Variants in CADM2 observed in about 807,000 individuals in gnomAD.
The protein encoded by CADM2 is immunoglobulin superfamily member 4D.
In CADM2, 12 loss-of-function variants were observed where a neutral mutation model predicts 49.8. The observed-to-expected ratio is 0.24, with a 90% confidence interval of 0.15 to 0.39. CADM2 has a LOEUF of 0.39. Ranked by LOEUF, CADM2 falls within the 10% of genes least tolerant of loss-of-function variation. The pLI is 1.00. For synonymous variants in CADM2, 214 were observed against 175.4 expected (o/e 1.22, Z -1.74); for missense variants, 378 against 492.3 (o/e 0.77, Z 2.20).
chr3:85,651,367 C>A (rs541051764), intron 1 of CADM2, among the ~76,000 whole-genome samples: 1 of 152,062 alleles, frequency 6.6e-6, no homozygotes, highest in African/African-American at 2.4e-5. Flanking sequence ...TTTGTGTATT[C>A]GTACTCCACC....
intron 2 of CADM2, among the ~76,000 whole-genome samples, chr3:85,762,044 G>A (rs1243243132): frequency 6.6e-6 from 1 of 152,052 alleles, no homozygotes; most frequent in Non-Finnish European, 1.5e-5. Context: ...AATGAAAGGA[G>A]GAAGAATAAT....
chr3:85,995,374 A>G (rs575457012), intron 8 of CADM2, among the ~76,000 whole-genome samples: 1 of 152,200 alleles, frequency 6.6e-6, no homozygotes, highest in Non-Finnish European at 1.5e-5. Context: ...ATGATTTTCT[A>G]CATAACATGA....
At chr3:85,575,188 CT>C (rs1354951590) in intron 1 of CADM2, among the ~76,000 whole-genome samples, 10 of 152,250 alleles carry the variant, frequency 6.6e-5, no homozygotes, top group African/African-American at 2.4e-4. Context: ...CCGTAAGTTC[CT>C]TTTTTGCTTA....
chr3:85,150,476 T>C (rs1340945273), intron 1 of CADM2, among the ~76,000 whole-genome samples: 2 of 152,224 alleles, frequency 1.3e-5, no homozygotes, highest in Non-Finnish European at 2.9e-5. Flanking sequence ...CAGAAATTTT[T>C]TTTCCAATGA....
chr3:85,184,031 G>C (rs1576064683), intron 1 of CADM2, among the ~76,000 whole-genome samples: 1 of 152,246 alleles, frequency 6.6e-6, no homozygotes, highest in Admixed American at 6.5e-5. Flanking sequence ...TGAATGACAA[G>C]ATGTCCAGAA....
chr3:85,923,818 G>A (rs1452015427), intron 6 of CADM2, among the ~76,000 whole-genome samples: 1 of 152,110 alleles, frequency 6.6e-6, no homozygotes, highest in African/African-American at 2.4e-5. Context: ...ATTGAAGTGT[G>A]GGTATTGTGA....
At chr3:85,141,449 A>G (rs2039573713) in intron 1 of CADM2, among the ~76,000 whole-genome samples, 1 of 152,194 alleles carries the variant, frequency 6.6e-6, no homozygotes, top group African/African-American at 2.4e-5. Flanking sequence ...TTTGAGGAGT[A>G]GTAGTGATAG....
chr3:85,618,958 T>C (rs753548844), intron 1 of CADM2, among the ~76,000 whole-genome samples: 2 of 151,872 alleles, frequency 1.3e-5, no homozygotes, highest in Admixed American at 6.6e-5. Flanking sequence ...GGAGAATCGC[T>C]TGAACCCGGG....
At chr3:85,968,774 C>G (rs1381784680) in intron 8 of CADM2, among the ~76,000 whole-genome samples, 1 of 151,564 alleles carries the variant, frequency 6.6e-6, no homozygotes, top group African/African-American at 2.4e-5. Context: ...TGTTAATTGG[C>G]TCATTTGTTA....
intron 1 of CADM2, among the ~76,000 whole-genome samples, chr3:85,106,326 A>G (rs1208037825): frequency 6.6e-6 from 1 of 152,116 alleles, no homozygotes; most frequent in Non-Finnish European, 1.5e-5. Context: ...TTCCAGGGCA[A>G]TAAAGCTAAT....
intron 8 of CADM2, among the ~76,000 whole-genome samples, chr3:86,055,530 G>T (rs1020147978): frequency 3.7e-5 from 5 of 136,508 alleles, no homozygotes; most frequent in Non-Finnish European, 7.6e-5. Context: ...GCAGTAGCGC[G>T]ATCTCAGCTC....
intron 3 of CADM2, among the ~76,000 whole-genome samples, chr3:85,839,351 C>A (rs2074541840): frequency 6.6e-6 from 1 of 151,676 alleles, no homozygotes; most frequent in Admixed American, 6.6e-5. Flanking sequence ...ATTTTTATAT[C>A]CCCTTGTCCA....
intron 1 of CADM2, among the ~76,000 whole-genome samples, chr3:85,290,060 G>C (rs926914005): frequency 2.0e-5 from 3 of 152,280 alleles, no homozygotes; most frequent in Non-Finnish European, 1.5e-5. Flanking sequence ...GTGCCAGACA[G>C]TGGGCGCAGG....
At chr3:85,843,515 A>G (rs546691194) in intron 3 of CADM2, among the ~76,000 whole-genome samples, 1 of 152,064 alleles carries the variant, frequency 6.6e-6, no homozygotes, top group Non-Finnish European at 1.5e-5. Context: ...TTTTTTATTT[A>G]AAGTAAGGTG....
chr3:85,988,780 TA>T (rs1728422936), intron 8 of CADM2, among the ~76,000 whole-genome samples: 1 of 152,186 alleles, frequency 6.6e-6, no homozygotes, highest in Non-Finnish European at 1.5e-5. Context: ...TAGGTCCACT[TA>T]TTTTTCATCT....
intron 3 of CADM2, among the ~76,000 whole-genome samples, chr3:85,836,435 G>A (rs2074413453): frequency 6.6e-6 from 1 of 151,720 alleles, no homozygotes; most frequent in African/African-American, 2.4e-5. Context: ...GAAACAACCT[G>A]ATCAAGGCCT....
At chr3:84,993,781 T>G (rs1212606028) in intron 1 of CADM2, among the ~76,000 whole-genome samples, 5 of 152,184 alleles carry the variant, frequency 3.3e-5, no homozygotes, top group Non-Finnish European at 7.3e-5. Context: ...GAGAATGCAC[T>G]ATGACCTTTT....
chr3:85,601,625 A>T (rs1288151593), intron 1 of CADM2, among the ~76,000 whole-genome samples: 3 of 151,366 alleles, frequency 2.0e-5, no homozygotes, highest in Non-Finnish European at 4.4e-5. Flanking sequence ...GCTAATTTAC[A>T]CTATTTTTAA....
chr3:85,461,505 G>C (rs953388745), intron 1 of CADM2, among the ~76,000 whole-genome samples: 2 of 152,058 alleles, frequency 1.3e-5, no homozygotes, highest in Non-Finnish European at 2.9e-5. Flanking sequence ...AACCATATAT[G>C]TTATGTTTCT....
Sources: gnomAD v4.1 joint callset for allele counts (sites outside exome capture counted in the v4.1 genomes callset) on GRCh38, gnomAD v4.1.1 for gene constraint, MANE v1.5 for transcripts, NCBI Gene and HGNC (gene_info 2026-07-23, HGNC 2026-07-21) for gene names.